The following RAF1 variants were observed in gnomAD, a reference collection of about 807,000 sequenced individuals.
RAF1 encodes RAF proto-oncogene serine/threonine-protein kinase.
Under a neutral mutation model 81.1 loss-of-function variants are expected in RAF1, and 27 were observed. That is an observed-to-expected ratio of 0.33 (90% confidence interval 0.25 to 0.46). The LOEUF (loss-of-function observed/expected upper bound fraction) is 0.46. Among genes scored for constraint, RAF1 ranks in the 20% least tolerant of loss-of-function variants. The pLI is 1.00. For synonymous variants in RAF1, 298 were observed against 294.0 expected (o/e 1.01, Z -0.14); for missense variants, 598 against 826.0 (o/e 0.72, Z 3.38).
intron 1 of RAF1, among the ~76,000 whole-genome samples, chr3:12,653,456 T>C (rs1295486826): frequency 2.0e-5 from 3 of 152,106 alleles, no homozygotes; most frequent in Non-Finnish European, 4.4e-5. Context: ...TAAAAAGTGA[T>C]ATCTCTTGGC....
intron 1 of RAF1, among the ~76,000 whole-genome samples, chr3:12,639,832 T>C (rs1293423010): frequency 1.3e-5 from 2 of 152,196 alleles, no homozygotes; most frequent in Admixed American, 6.5e-5. Context: ...CCCATCAAGC[T>C]ACCAATGACT....
intron 1 of RAF1, among the ~76,000 whole-genome samples, chr3:12,661,168 T>C (rs1457977905): frequency 2.0e-5 from 3 of 152,224 alleles, no homozygotes; most frequent in Non-Finnish European, 4.4e-5. Flanking sequence ...GCAACTGAAG[T>C]CTGTTAATTC....
chr3:12,586,378 T>C (rs2058332843), intron 14 of RAF1, among the ~76,000 whole-genome samples: 1 of 152,138 alleles, frequency 6.6e-6, no homozygotes, highest in South Asian at 2.1e-4. Flanking sequence ...AAAGAAGTCA[T>C]ACAGTTTAAG....
At chr3:12,603,087 G>A (rs2058914084) in intron 8 of RAF1, among the ~76,000 whole-genome samples, 2 of 152,066 alleles carry the variant, frequency 1.3e-5, no homozygotes, top group Admixed American at 1.3e-4. Context: ...TTTTAAGGTG[G>A]ATTCTTATTA....
chr3:12,599,741 G>A lies in RAF1; in HGVS notation c.1118C>T (p.Thr373Ile), dbSNP rs2058797559. Residue 373 changes from threonine (T) to isoleucine (I), a missense_variant, in exon 11 of 18, where the codon ACT becomes ATT. Thr to Ile is a moderately conservative substitution (Grantham distance 89). This residue lies in a region of RAF1 where 85 missense variants were observed against 185.6 expected (regional missense o/e 0.46). Coordinates refer to ENST00000442415, the MANE Select transcript of RAF1 (RefSeq NM_001354689.3). ...TCCAAAAGAGCCTGACCCAATCCGA[G>A]TGGACAGCATCACTTCACTGGCTTC... The A allele has an allele frequency of 6.2e-7, 1 of 1,613,940 alleles. No individual in the cohort carries two copies. Among genetic ancestry groups the A allele is most frequent in the Admixed American group, 1.7e-5 (1 of 59,974 alleles).
intron 3 of RAF1, among the ~76,000 whole-genome samples, chr3:12,610,294 A>G (rs1391768015): frequency 1.3e-5 from 2 of 152,224 alleles, no homozygotes; most frequent in African/African-American, 4.8e-5. Flanking sequence ...ACTATCCAAC[A>G]GTAAACAATA....
intron 2 of RAF1, among the ~76,000 whole-genome samples, chr3:12,615,094 C>G (rs115679418): frequency 0.014 from 2,076 of 152,224 alleles, 53 homozygotes; most frequent in African/African-American, 0.047. Flanking sequence ...TCTACCTGTC[C>G]AACACATCCA....
chr3:12,642,719 C>CACACACACACACACAA lies in RAF1; in HGVS notation c.-27+21093_-27+21094insTTGTGTGTGTGTGTGT, dbSNP rs1491570753. Among the ~76,000 whole-genome samples, 146 of 141,470 alleles carry CACACACACACACACAA rather than the reference C, an allele frequency of 1.0e-3. 1 individual carries two copies. The highest frequency in any genetic ancestry group is 3.5e-3 in the Middle Eastern group (1 of 284). 92.8% of individuals were successfully genotyped at this position (141,470 alleles called of 152,430 possible). On this transcript the variant is annotated intron_variant, in intron 1 of 17. Transcript: ENST00000442415. ...ACACACACACACACACACACACACA[C>CACACACACACACACAA]AAAATAGCTGCGTATGGTGGCATGG...
At chr3:12,658,057 G>C (rs2060756709) in intron 1 of RAF1, among the ~76,000 whole-genome samples, 2 of 152,044 alleles carry the variant, frequency 1.3e-5, no homozygotes. Flanking sequence ...CAATGTTGTA[G>C]TATACACCAG....
At chr3:12,594,947 A>G (rs998914568) in intron 11 of RAF1, among the ~76,000 whole-genome samples, 20 of 152,240 alleles carry the variant, frequency 1.3e-4, no homozygotes, top group African/African-American at 3.9e-4. Context: ...ATACTGCAGC[A>G]TTCCCCTCAT....
intron 1 of RAF1, among the ~76,000 whole-genome samples, chr3:12,623,650 C>T (rs1201865633): frequency 3.3e-5 from 5 of 151,778 alleles, no homozygotes; most frequent in African/African-American, 4.8e-5. Flanking sequence ...AAAAATTAGC[C>T]GGGCGTGGTG....
chr3:12,594,982 G>A (rs1376308829), intron 11 of RAF1, among the ~76,000 whole-genome samples: 1 of 152,180 alleles, frequency 6.6e-6, no homozygotes, highest in African/African-American at 2.4e-5. Context: ...CCCAAGGACT[G>A]CCATGAAAGG....
intron 11 of RAF1, among the ~76,000 whole-genome samples, chr3:12,595,488 C>T (rs553566536): frequency 6.6e-6 from 1 of 152,274 alleles, no homozygotes; most frequent in Admixed American, 6.5e-5. Flanking sequence ...CTAAAGGTCT[C>T]GTACAACCCC....
At chr3:12,644,062 GTT>G (rs1025046425) in intron 1 of RAF1, among the ~76,000 whole-genome samples, 1 of 152,080 alleles carries the variant, frequency 6.6e-6, no homozygotes, top group Non-Finnish European at 1.5e-5. Context: ...GGTTTTGCTG[GTT>G]TTTTTCAGTT....
Position 12,583,954 on chromosome 3 carries a change from AG to A in RAF1, c.*559del, listed in dbSNP as rs1266729551. ...TGGACACCTTAGAAGCTGTGAAAGG[AG>A]GACGTGTCCCCTAAGAAAAGTTCCA... On this transcript the variant is annotated 3_prime_UTR_variant, in exon 18 of 18. Coordinates refer to ENST00000442415, the MANE Select transcript of RAF1 (RefSeq NM_001354689.3). 6 of 243,480 alleles carry A rather than the reference AG, an allele frequency of 2.5e-5. No individual in the cohort carries two copies. The highest frequency in any genetic ancestry group is 1.2e-3 in the Middle Eastern group (1 of 818). 15.1% of individuals were successfully genotyped at this position (243,480 alleles called of 1,614,324 possible).
At position 12,584,694 on chromosome 3, in the gene RAF1, T is replaced by A. The variant is rs2125317857; in HGVS notation, c.1864-37A>T. On this transcript the variant is annotated intron_variant, in intron 17 of 17. Coordinates refer to ENST00000442415, the MANE Select transcript of RAF1 (RefSeq NM_001354689.3). ...CCCAAGAATGCTCTCATTAGCTGTG[T>A]CTCAAAGACACAGGATGTACCCTGC... is the stretch of plus-strand genomic sequence containing the variant. The A allele has an allele frequency of 1.9e-6, 3 of 1,613,986 alleles. 1 individual carries two copies. Among genetic ancestry groups the A allele is most frequent in the Middle Eastern group, 1.7e-4 (1 of 6,058 alleles).
intron 5 of RAF1, among the ~76,000 whole-genome samples, chr3:12,608,159 T>C (rs2059100695): frequency 6.6e-6 from 1 of 152,150 alleles, no homozygotes. Context: ...ACTTTTCATA[T>C]ACCTAGTTAC....
chr3:12,642,971 C>T (rs2060239816), intron 1 of RAF1, among the ~76,000 whole-genome samples: 1 of 151,882 alleles, frequency 6.6e-6, no homozygotes, highest in South Asian at 2.1e-4. Context: ...AAAGAGTTTT[C>T]TGCTATATGC....
At chr3:12,630,978 A>AT (rs1300863862) in intron 1 of RAF1, among the ~76,000 whole-genome samples, 2 of 151,894 alleles carry the variant, frequency 1.3e-5, no homozygotes, top group Non-Finnish European at 1.5e-5. Context: ...TAATTTTTGT[A>AT]TTTTTTTGGT....
Sources: allele counts gnomAD v4.1 joint callset (sites outside exome capture counted in the v4.1 genomes callset), GRCh38; gene constraint gnomAD v4.1.1; regional missense constraint gnomAD v4.1.1; transcripts MANE v1.5; gene names NCBI Gene and HGNC (gene_info 2026-07-23, HGNC 2026-07-21).